MRPL9: variants seen among roughly 807,000 people sequenced by gnomAD.
The protein encoded by MRPL9 is large ribosomal subunit protein bL9m.
MRPL9 carries 25 observed loss-of-function variants against 27.6 expected under a neutral mutation model. The ratio of observed to expected loss-of-function variants is 0.91; its 90% CI spans 0.66 to 1.27. MRPL9 has a LOEUF of 1.27. Ranked by LOEUF, MRPL9 falls within the 50% of genes most tolerant of loss-of-function variation. The pLI, the probability that MRPL9 is intolerant of heterozygous loss-of-function variation, is 0.00. For synonymous variants in MRPL9, 154 were observed against 139.0 expected, an observed-to-expected ratio of 1.11 and a Z score of -0.76; for missense variants, 362 against 338.0, an observed-to-expected ratio of 1.07 and a Z score of -0.56.
rs780254266 is a variant in MRPL9 at position 151,760,867 on chromosome 1, C to CT, written c.620dup (p.Leu208ValfsTer15). 1 of 1,504,652 alleles carries CT rather than the reference C, an allele frequency of 6.6e-7. No individual in the cohort carries two copies. Among genetic ancestry groups the CT allele is most frequent in the South Asian group, 1.2e-5 (1 of 85,386 alleles). The allele number at this position is 1,504,652 out of a possible 1,614,324, so 93.2% of individuals were successfully genotyped here. On this transcript the variant is annotated frameshift_variant, in exon 6 of 7. Transcript: ENST00000368830. LOFTEE classifies it high-confidence loss of function. ...ACCGTGTGATAGGCTCTTCTGGTAACTTTAATGTATGTGGGGCAACCACAA... is the reference window on the plus strand; with the variant it reads ...ACCGTGTGATAGGCTCTTCTGGTAACTTTTAATGTATGTGGGGCAACCACAA...
chr1:151,762,960 T>C (rs766008140), intron 2 of MRPL9, 30 bp downstream of exon 2: 3 of 1,608,554 alleles, frequency 1.9e-6, no homozygotes, highest in Non-Finnish European at 2.6e-6. Context: ...CGGACCAGCC[T>C]GAGAGGAAGC....
In MRPL9 at chr1:151,763,127, C is replaced by A. The variant is rs748016391; in HGVS notation, c.173G>T (p.Arg58Leu). The A allele has an allele frequency of 5.6e-6, 9 of 1,613,672 alleles. No homozygotes were observed. In the African/African-American group the frequency reaches 9.3e-5, roughly 17 times the overall value. Residue 58 changes from arginine (R) to leucine (L), a missense_variant, in exon 2 of 7, where the codon CGC becomes CTC. Arg to Leu is a moderately radical substitution (Grantham distance 102). Transcript: ENST00000368830. ...CCCGGCCAGCGGTACCTTCCACCAG[C>A]GCTCCACGATGACCGTGCCCTGGCG... is the stretch of plus-strand genomic sequence containing the variant. ...SQNRGTVIVE[R>L]WWKVPLAGEG...
In MRPL9 at chr1:151,763,340, A is replaced by T. The variant is rs376033843; in HGVS notation, c.140T>A (p.Leu47His). The change falls in exon 1 of 7, where the codon CTT becomes CAT. Residue 47 changes from leucine to histidine, a missense_variant. Transcript: ENST00000368830. ...NAPDLACNFS[L>H]SQNRGTVIVE... ...CTCAGCCCTCACCCGATTTTGAGAA[A>T]GGCTGAAGTTGCAGGCCAGGTCAGG... 6.7e-5 allele frequency: 106 copies of T among 1,592,126 alleles called. No individual in the cohort carries two copies. Among genetic ancestry groups the T allele is most frequent in the Non-Finnish European group, 8.6e-5 (101 of 1,168,164 alleles).
intron 2 of MRPL9, 184 bp downstream of exon 2, chr1:151,762,806 T>A: frequency 1.2e-6 from 1 of 809,954 alleles, no homozygotes; most frequent in Non-Finnish European, 2.0e-6. Flanking sequence ...CTTTATGTTT[T>A]AATTTTCAAT....
In MRPL9 at chr1:151,762,430, T is replaced by C. The variant is rs760859376; in HGVS notation, c.381A>G (p.Gly127=). 1.4e-5 allele frequency: 22 copies of C among 1,614,186 alleles called. No homozygotes were observed. Among genetic ancestry groups the C allele is most frequent in the Non-Finnish European group, 1.8e-5 (21 of 1,180,032 alleles). ...TTTCAGGGGATGCATATACAGCCAG[T>C]CCCTGAGGAAGGAGTCGATTCCGGC... ...SLGRNRLLPQ[G]LAVYASPENK... is the part of the protein sequence containing the mutation. Residue 127 remains glycine, a synonymous_variant, in exon 3 of 7, where the codon GGA becomes GGG. Transcript: ENST00000368830.
In MRPL9 at chr1:151,762,446, C is replaced by A. The variant is rs371659600; in HGVS notation, c.365G>T (p.Arg122Leu). The A allele has an allele frequency of 1.9e-6, 3 of 1,614,140 alleles. No individual in the cohort carries two copies. The highest frequency in any genetic ancestry group is 1.1e-5 in the South Asian group (1 of 91,072). ...TACAGCCAGTCCCTGAGGAAGGAGT[C>A]GATTCCGGCCTAAAGATTTCTTCAC... The part of the protein sequence containing the change: ...VSVKKSLGRN[R>L]LLPQGLAVYA... The change falls in exon 3 of 7, where the codon CGA becomes CTA. Residue 122 changes from arginine to leucine, a missense_variant. Coordinates refer to ENST00000368830, the MANE Select transcript of MRPL9 (RefSeq NM_031420.4).
At chr1:151,761,770 G>C (rs1014654073) in intron 4 of MRPL9, among the ~76,000 whole-genome samples, 4 of 152,156 alleles carry the variant, frequency 2.6e-5, no homozygotes, top group African/African-American at 9.7e-5. Context: ...AGCCGGGCAT[G>C]GTGGCGGGTG....
rs775340487 is a variant in MRPL9 at position 151,760,139 on chromosome 1, TCAC to T, written c.712_714del (p.Val238del). 1.2e-6 allele frequency: 2 copies of T among 1,614,128 alleles called. No individual in the cohort carries two copies. Among genetic ancestry groups the T allele is most frequent in the Non-Finnish European group, 1.7e-6 (2 of 1,180,018 alleles). On this transcript the variant is annotated inframe_deletion, in exon 7 of 7. Transcript: ENST00000368830. ...CTTTTGGTCTTGGGCTTCTCAAAGT[TCAC>T]GACAGACATAGGCACTCTCACAGTA...
At position 151,763,137 on chromosome 1, in the gene MRPL9, T is replaced by A; in HGVS notation, c.163A>T (p.Ile55Phe). 2 of 1,613,454 alleles carry A rather than the reference T, an allele frequency of 1.2e-6. No homozygotes were observed. The highest frequency in any genetic ancestry group is 1.7e-6 in the Non-Finnish European group (2 of 1,179,604). ...FSLSQNRGTV[I>F]VERWWKVPLA... ...GGTACCTTCCACCAGCGCTCCACGA[T>A]GACCGTGCCCTGGCGGCCAGGAAAG... is the stretch of plus-strand genomic sequence containing the variant. Residue 55 changes from isoleucine (I) to phenylalanine (F), a missense_variant, in exon 2 of 7, where the codon ATC becomes TTC. Ile to Phe is a conservative substitution (Grantham distance 21). Coordinates refer to ENST00000368830, the MANE Select transcript of MRPL9 (RefSeq NM_031420.4).
At chr1:151,763,176 G>T in intron 1 of MRPL9, 30 bp from the exon 2 acceptor site, 1 of 1,608,924 alleles carries the variant, frequency 6.2e-7, no homozygotes, top group African/African-American at 1.3e-5. Flanking sequence ...CGGTAAGCTA[G>T]TCTCCACAAG....
In MRPL9 at chr1:151,760,161, CA is replaced by C; in HGVS notation, c.692del (p.Val231GlyfsTer8). 2 of 1,614,194 alleles carry C rather than the reference CA, an allele frequency of 1.2e-6. No individual in the cohort carries two copies. The highest frequency in any genetic ancestry group is 1.3e-5 in the African/African-American group (1 of 75,046). ...AGTTCACGACAGACATAGGCACTCTCACAGTATCAAGCCCATTTACCTGCAC... is the reference window on the plus strand; with the variant it reads ...AGTTCACGACAGACATAGGCACTCTCCAGTATCAAGCCCATTTACCTGCAC... ...CEVTVNGLDT[V>X]RVPMSVVNFE... On this transcript the variant is annotated frameshift_variant, in exon 7 of 7. Coordinates refer to ENST00000368830, the MANE Select transcript of MRPL9 (RefSeq NM_031420.4). LOFTEE classifies it low-confidence loss of function (END_TRUNC).
intron 4 of MRPL9, 47 bp downstream of exon 4, chr1:151,762,058 G>T: frequency 6.3e-7 from 1 of 1,585,052 alleles, no homozygotes; most frequent in Non-Finnish European, 8.7e-7. Flanking sequence ...TCAGGGTGAG[G>T]TTGGTAAGTC....
In MRPL9 at chr1:151,762,413, G is replaced by T. The variant is rs1648134346; in HGVS notation, c.398C>A (p.Ser133Tyr). ...LLPQGLAVYA[S>Y]PENKKLFEEE... ...TTCAAACAGCTTCTTGTTTTCAGGG[G>T]ATGCATATACAGCCAGTCCCTGAGG... The change falls in exon 3 of 7, where the codon TCC becomes TAC. Residue 133 changes from serine (S) to tyrosine (Y), a missense_variant. Physicochemically the swap from Ser to Tyr is moderately radical, Grantham distance 144 (BLOSUM62 -2). Transcript: ENST00000368830. 6.2e-7 allele frequency: 1 copy of T among 1,614,032 alleles called. No homozygotes were observed. The highest frequency in any genetic ancestry group is 1.7e-5 in the Admixed American group (1 of 59,996).
At position 151,763,262 on chromosome 1, in the gene MRPL9, T is replaced by G. The variant is rs1030161685; in HGVS notation, c.153+65A>C. The stretch of plus-strand genomic sequence containing the variant: ...CACCCCCACATCGGCCCCCTCCAGG[T>G]CCCAGTGCGCCTCCAGAAACAATAC... On this transcript the variant is annotated intron_variant, in intron 1 of 6. Coordinates refer to ENST00000368830, the MANE Select transcript of MRPL9 (RefSeq NM_031420.4). The G allele has an allele frequency of 1.8e-5, 28 of 1,539,236 alleles. No homozygotes were observed. The East Asian group carries it at 5.8e-4, about 32-fold the overall frequency.
chr1:151,763,454 G>A lies in MRPL9; in HGVS notation c.26C>T (p.Pro9Leu). 1 of 1,574,368 alleles carries A rather than the reference G, an allele frequency of 6.4e-7. No individual in the cohort carries two copies. The highest frequency in any genetic ancestry group is 1.9e-5 in the Admixed American group (1 of 53,662). Residue 9 changes from proline to leucine, a missense_variant, in exon 1 of 7, where the codon CCG becomes CTG. Physicochemically the swap from Pro to Leu is moderately conservative, Grantham distance 98. Coordinates refer to ENST00000368830, the MANE Select transcript of MRPL9 (RefSeq NM_031420.4). MAAPVVTA[P>L]GRALLRAGAG... ...GCCCGCCCGCAGCAGAGCTCTGCCC[G>A]GGGCCGTGACAACGGGCGCCGCCAT...
chr1:151,760,916 A>AAAAAAAAAAAAAAAAAAAAG lies in MRPL9; in HGVS notation c.589-18_589-17insCTTTTTTTTTTTTTTTTTTT, dbSNP rs1648040472. On this transcript the variant is annotated splice_polypyrimidine_tract_variant and intron_variant, in intron 5 of 6. Coordinates refer to ENST00000368830, the MANE Select transcript of MRPL9 (RefSeq NM_031420.4). Reference sequence around the variant, plus strand: ...AACACCAAGCTGCAAAAAAAAAAAAAAAAAAAAAAATCTCAGCTCAAATGA... The same window carrying AAAAAAAAAAAAAAAAAAAAG: ...AACACCAAGCTGCAAAAAAAAAAAAAAAAAAAAAAAAAAAAAAAAGAAAAAAAAAATCTCAGCTCAAATGA... The AAAAAAAAAAAAAAAAAAAAG allele has an allele frequency of 6.4e-7, 1 of 1,551,194 alleles. No homozygotes were observed. Among genetic ancestry groups the AAAAAAAAAAAAAAAAAAAAG allele is most frequent in the Non-Finnish European group, 8.6e-7 (1 of 1,160,504 alleles).
rs1553276961 is a variant in MRPL9 at position 151,760,921 on chromosome 1, A to AAATAAAAT, written c.589-23_589-22insATTTTATT. On this transcript the variant is annotated intron_variant, in intron 5 of 6. Transcript: ENST00000368830. Reference sequence around the variant, plus strand: ...CAAGCTGCAAAAAAAAAAAAAAAAAAAAAAATCTCAGCTCAAATGAACTCT... The same window carrying AAATAAAAT: ...CAAGCTGCAAAAAAAAAAAAAAAAAAAATAAAATAAAAATCTCAGCTCAAATGAACTCT... The AAATAAAAT allele has an allele frequency of 1.1e-5, 17 of 1,541,114 alleles. No homozygotes were observed. In the African/African-American group the frequency reaches 2.2e-4, roughly 20 times the overall value.
Position 151,762,458 on chromosome 1 carries a change from A to C in MRPL9, c.353T>G (p.Leu118Ter), listed in dbSNP as rs1219913133. 6.2e-7 allele frequency: 1 copy of C among 1,614,002 alleles called. No individual in the cohort carries two copies. The highest frequency in any genetic ancestry group is 8.5e-7 in the Non-Finnish European group (1 of 1,179,994). Residue 118 changes from leucine to a stop codon, truncating the protein, a stop_gained, in exon 3 of 7, where the codon TTA becomes TGA. Transcript: ENST00000368830. LOFTEE classifies it high-confidence loss of function. ...CTGAGGAAGGAGTCGATTCCGGCCT[A>C]AAGATTTCTTCACTGAGACCAGGTC... ...RGDLVSVKKSLGRNRLLPQGL... is the reference protein window; with the variant it reads ...RGDLVSVKKS
Position 151,763,324 on chromosome 1 carries a change from C to A in MRPL9, c.153+3G>T. 1 of 1,594,956 alleles carries A rather than the reference C, an allele frequency of 6.3e-7. No homozygotes were observed. Among genetic ancestry groups the A allele is most frequent in the Non-Finnish European group, 8.5e-7 (1 of 1,169,818 alleles). On this transcript the variant is annotated splice_donor_region_variant and intron_variant, in intron 1 of 6. Transcript: ENST00000368830. ...TACCCCCTACCCCAGACTCAGCCCT[C>A]ACCCGATTTTGAGAAAGGCTGAAGT...
Sources: allele counts gnomAD v4.1 joint callset (sites outside exome capture counted in the v4.1 genomes callset), GRCh38; gene constraint gnomAD v4.1.1; transcripts MANE v1.5; gene names NCBI Gene and HGNC (gene_info 2026-07-23, HGNC 2026-07-21).